Variants in MCMDC2 observed in about 807,000 individuals in gnomAD.
The protein encoded by MCMDC2 is minichromosome maintenance domain containing 2.
In MCMDC2, 54 loss-of-function variants were observed where a neutral mutation model predicts 75.8. The ratio of observed to expected loss-of-function variants is 0.71; its 90% CI spans 0.57 to 0.89. MCMDC2 has a LOEUF of 0.89. Ranked by LOEUF, MCMDC2 falls within the 40% of genes least tolerant of loss-of-function variation. The pLI, the probability that MCMDC2 is intolerant of heterozygous loss-of-function variation, is 0.00. For synonymous variants in MCMDC2, 249 were observed against 274.6 expected (o/e 0.91, Z 0.92); for missense variants, 656 against 780.4 (o/e 0.84, Z 1.90).
At chr8:66,890,467 T>C (rs1812052652) in intron 9 of MCMDC2, among the ~76,000 whole-genome samples, 1 of 152,218 alleles carries the variant, frequency 6.6e-6, no homozygotes, top group Non-Finnish European at 1.5e-5. Context: ...GTTTTAGTTT[T>C]TTATGTCTCT....
intron 7 of MCMDC2, among the ~76,000 whole-genome samples, chr8:66,879,547 C>T (rs768099419): frequency 2.6e-5 from 4 of 151,860 alleles, no homozygotes; most frequent in Non-Finnish European, 5.9e-5. Flanking sequence ...GAGCCAATAT[C>T]GTGCCACTGC....
chr8:66,903,221 A>G (rs1812778187), intron 13 of MCMDC2, among the ~76,000 whole-genome samples: 4 of 152,032 alleles, frequency 2.6e-5, no homozygotes, highest in Admixed American at 2.6e-4. Context: ...ATTTTGAAAC[A>G]TTTATCAAAG....
intron 10 of MCMDC2, among the ~76,000 whole-genome samples, chr8:66,894,934 C>T (rs574932183): frequency 6.6e-6 from 1 of 152,186 alleles, no homozygotes; most frequent in Non-Finnish European, 1.5e-5. Flanking sequence ...CCCTCACAGT[C>T]CCTGGCAAAC....
chr8:66,875,064 A>C (rs1425660092), intron 4 of MCMDC2, among the ~76,000 whole-genome samples: 1 of 151,850 alleles, frequency 6.6e-6, no homozygotes, highest in Non-Finnish European at 1.5e-5. Flanking sequence ...AACATTAAAC[A>C]CTTTTATAAT....
At chr8:66,922,743 C>A, downstream of MCMDC2, 1 of 265,532 alleles carries the variant, frequency 3.8e-6, no homozygotes. Context: ...TTAAATATTA[C>A]ATTTCGAATT....
intron 14 of MCMDC2, among the ~76,000 whole-genome samples, chr8:66,907,971 C>T (rs1390402234): frequency 2.6e-5 from 4 of 151,836 alleles, no homozygotes; most frequent in African/African-American, 7.3e-5. Flanking sequence ...GGATATTAGA[C>T]CTTTGTCAGA....
intron 4 of MCMDC2, among the ~76,000 whole-genome samples, chr8:66,875,926 A>G (rs990186217): frequency 4.6e-5 from 7 of 152,240 alleles, no homozygotes; most frequent in African/African-American, 1.4e-4. Context: ...TTTCTAAAAT[A>G]GAAGATGACT....
rs1813455164 is a variant in MCMDC2 at position 66,919,910 on chromosome 8, T to C, written c.*741T>C. ...CTAGTCCTCATTTTTGGAGGGAAGA[T>C]ATCTGCTCTGAAAAGATAGGGGCAC... On this transcript the variant is annotated 3_prime_UTR_variant, in exon 15 of 15. Coordinates refer to ENST00000422365, the MANE Select transcript of MCMDC2 (RefSeq NM_173518.5). 1 of 152,172 alleles carries C rather than the reference T, an allele frequency of 6.6e-6. No homozygotes were observed. Among genetic ancestry groups the C allele is most frequent in the African/African-American group, 2.4e-5 (1 of 41,444 alleles). The allele number at this position is 152,172 out of a possible 1,614,324, so 9.4% of individuals were successfully genotyped here. A position where few individuals can be genotyped will look rare whatever the true frequency, so the allele number is the denominator to read the frequency against.
intron 10 of MCMDC2, among the ~76,000 whole-genome samples, chr8:66,891,504 G>A (rs150345576): frequency 0.017 from 2,559 of 152,274 alleles, 64 homozygotes; most frequent in South Asian, 0.045. Context: ...CTAATTTTCC[G>A]AGAGGGTTTT....
At chr8:66,893,681 C>T (rs1027483432) in intron 10 of MCMDC2, among the ~76,000 whole-genome samples, 5 of 152,148 alleles carry the variant, frequency 3.3e-5, no homozygotes, top group Admixed American at 6.5e-5. Context: ...TGGGAGTTCA[C>T]GATGAGATTT....
At chr8:66,872,078 A>G (rs1330821435) in intron 1 of MCMDC2, among the ~76,000 whole-genome samples, 1 of 152,158 alleles carries the variant, frequency 6.6e-6, no homozygotes, top group Non-Finnish European at 1.5e-5. Flanking sequence ...CAAAGATGTG[A>G]TGTTCTGAAC....
chr8:66,905,253 A>G lies in MCMDC2; in HGVS notation c.1797A>G (p.Arg599=). 7 of 1,494,902 alleles carry G rather than the reference A, an allele frequency of 4.7e-6. No homozygotes were observed. The highest frequency in any genetic ancestry group is 4.5e-6 in the Non-Finnish European group (5 of 1,119,284). The allele number at this position is 1,494,902 out of a possible 1,614,324, so 92.6% of individuals were successfully genotyped here. Residue 599 remains arginine, a synonymous_variant, in exon 14 of 15, where the codon CGA becomes CGG. Coordinates refer to ENST00000422365, the MANE Select transcript of MCMDC2 (RefSeq NM_173518.5). ...TTTTCCTATCTGAAGCCCATGCACG[A>G]CTGAACTTAAGGAACAAAGTGCTTA... ...YLVFLSEAHA[R]LNLRNKVLKE... is the part of the protein sequence containing the mutation.
intron 4 of MCMDC2, among the ~76,000 whole-genome samples, chr8:66,875,848 C>T (rs1157283120): frequency 2.6e-5 from 4 of 152,128 alleles, no homozygotes; most frequent in Admixed American, 2.6e-4. Flanking sequence ...ATTGGTCCTA[C>T]GTTATATAAT....
rs1268221675 is a variant in MCMDC2, at chr8:66,920,991, A to C, written c.*1822A>C. ...AAAGATGGCTTTTATTTACTTATCT[A>C]TATTTATATATACATATTTATATGT... On this transcript the variant is annotated 3_prime_UTR_variant, in exon 15 of 15. Coordinates refer to ENST00000422365, the MANE Select transcript of MCMDC2 (RefSeq NM_173518.5). 2.0e-5 allele frequency: 3 copies of C among 152,016 alleles called. No individual in the cohort carries two copies. In the East Asian group the frequency reaches 5.8e-4, roughly 29 times the overall value. The allele number at this position is 152,016 out of a possible 1,614,324, so 9.4% of individuals were successfully genotyped here. A position where few individuals can be genotyped will look rare whatever the true frequency, so the allele number is the denominator to read the frequency against.
chr8:66,897,082 T>C, intron 12 of MCMDC2, 123 bp downstream of exon 12: 1 of 896,640 alleles, frequency 1.1e-6, no homozygotes, highest in Admixed American at 3.4e-5. Flanking sequence ...TGGTTCCAGC[T>C]TTTAAACATT....
At chr8:66,916,890 G>A (rs187737844) in intron 14 of MCMDC2, among the ~76,000 whole-genome samples, 1 of 152,266 alleles carries the variant, frequency 6.6e-6, no homozygotes, top group East Asian at 1.9e-4. Flanking sequence ...GTGGGACATC[G>A]CAAGGGAGTT....
intron 1 of MCMDC2, among the ~76,000 whole-genome samples, chr8:66,872,258 G>C (rs1318601078): frequency 6.6e-6 from 1 of 151,566 alleles, no homozygotes; most frequent in African/African-American, 2.4e-5. Flanking sequence ...GATAATGAGG[G>C]TGGAAGGTGA....
At chr8:66,911,449 T>C (rs1438854436) in intron 14 of MCMDC2, among the ~76,000 whole-genome samples, 1 of 152,192 alleles carries the variant, frequency 6.6e-6, no homozygotes, top group Non-Finnish European at 1.5e-5. Context: ...CTTTATAAAT[T>C]ACCCAGTTTT....
chr8:66,905,210 C>A lies in MCMDC2; in HGVS notation c.1770-16C>A. The A allele has an allele frequency of 7.2e-7, 1 of 1,388,996 alleles. No homozygotes were observed. Among genetic ancestry groups the A allele is most frequent in the South Asian group, 1.9e-5 (1 of 51,510 alleles). The allele number at this position is 1,388,996 out of a possible 1,614,324, so 86.0% of individuals were successfully genotyped here. On this transcript the variant is annotated splice_polypyrimidine_tract_variant and intron_variant, in intron 13 of 14. Transcript: ENST00000422365. ...AATATCAACATATTTTCTTTGGCAA[C>A]TATTTTCTTTTTTAGCGTTTTCCTA... is the stretch of plus-strand genomic sequence containing the variant.
Sources: gnomAD v4.1 joint callset for allele counts (sites outside exome capture counted in the v4.1 genomes callset) on GRCh38, gnomAD v4.1.1 for gene constraint, MANE v1.5 for transcripts, NCBI Gene and HGNC (gene_info 2026-07-23, HGNC 2026-07-21) for gene names.